The following PFKL variants were observed in gnomAD, a reference collection of about 807,000 sequenced individuals.
PFKL encodes phosphofructokinase, liver type.
PFKL carries 74 observed loss-of-function variants against 92.1 expected under a neutral mutation model. The ratio of observed to expected loss-of-function variants is 0.80; its 90% confidence interval spans 0.67 to 0.97. PFKL has a LOEUF of 0.97. PFKL is among the 50% of genes least tolerant of loss of function. PFKL has a pLI of 0.00. For synonymous variants in PFKL, 494 were observed against 456.4 expected, an observed-to-expected ratio of 1.08 and a Z score of -1.05; for missense variants, 1,028 against 1,116.6, an observed-to-expected ratio of 0.92 and a Z score of 1.13.
chr21:44,321,623 G>A, intron 12 of PFKL, 106 bp from the exon 13 acceptor site: 2 of 1,178,506 alleles, frequency 1.7e-6, no homozygotes, highest in South Asian at 1.8e-5. Flanking sequence ...GCTGCTGGCA[G>A]GGCCTGGCCC....
intron 1 of PFKL, 76 bp from the exon 2 acceptor site, chr21:44,306,605 G>T: frequency 7.5e-7 from 1 of 1,331,420 alleles, no homozygotes; most frequent in Non-Finnish European, 1.1e-6. Flanking sequence ...CCTACCCCCT[G>T]TCCTCTGAGA....
chr21:44,300,829 G>A (rs1051209165), intron 1 of PFKL, among the ~76,000 whole-genome samples: 2 of 152,226 alleles, frequency 1.3e-5, no homozygotes, highest in East Asian at 3.9e-4. Context: ...CTGGGTGGGG[G>A]TCCGGCCTGA....
chr21:44,325,494 A>C, intron 19 of PFKL: 4 of 568,760 alleles, frequency 7.0e-6, no homozygotes, highest in Non-Finnish European at 9.5e-6. Context: ...GGGCATTCAC[A>C]TGCTGAGCCG....
intron 1 of PFKL, chr21:44,305,299 C>G (rs189389591): frequency 1.5e-6 from 2 of 1,362,298 alleles, no homozygotes; most frequent in Non-Finnish European, 2.0e-6. Flanking sequence ...TGCTGAGCCC[C>G]ACGCCAAGCT....
At chr21:44,319,210 C>A in intron 10 of PFKL, 141 bp from the exon 11 acceptor site, 1 of 701,566 alleles carries the variant, frequency 1.4e-6, no homozygotes. Context: ...ACCGCTGTTC[C>A]TAGGGAGAGG....
intron 14 of PFKL, among the ~76,000 whole-genome samples, chr21:44,322,642 A>G (rs2276250): frequency 0.21 from 32,250 of 152,192 alleles, 3,640 homozygotes; most frequent in East Asian, 0.44. Context: ...TGCAAGGGCC[A>G]GAGGAAGCAT....
At chr21:44,309,313 TC>T (rs2041047934) in intron 2 of PFKL, among the ~76,000 whole-genome samples, 1 of 144,136 alleles carries the variant, frequency 6.9e-6, no homozygotes, top group Non-Finnish European at 1.5e-5. Flanking sequence ...GCTACTCTTA[TC>T]CCCCCAGGCA....
At chr21:44,322,907 C>G (rs2047394396) in intron 14 of PFKL, 55 bp from the exon 15 acceptor site, 2 of 1,320,770 alleles carry the variant, frequency 1.5e-6, no homozygotes, top group Non-Finnish European at 2.2e-6. Context: ...CAGATGCAAT[C>G]TGGACACGCG....
chr21:44,308,620 G>A (rs888508997), intron 2 of PFKL, among the ~76,000 whole-genome samples: 3 of 148,458 alleles, frequency 2.0e-5, no homozygotes, highest in African/African-American at 7.5e-5. Context: ...GGAGCGCAGT[G>A]GCACAATCTT....
chr21:44,311,738 C>T (rs1210667294), intron 3 of PFKL, among the ~76,000 whole-genome samples: 2 of 152,186 alleles, frequency 1.3e-5, no homozygotes, highest in African/African-American at 2.4e-5. Flanking sequence ...GAGGCTTGAG[C>T]CCTGGAGGCC....
chr21:44,301,679 G>A (rs960195027), intron 1 of PFKL, among the ~76,000 whole-genome samples: 25 of 152,290 alleles, frequency 1.6e-4, no homozygotes, highest in African/African-American at 6.0e-4. Flanking sequence ...CTGGAGGGCA[G>A]ACAGGTTGCT....
chr21:44,324,267 C>T (rs556903983), intron 16 of PFKL, among the ~76,000 whole-genome samples: 204 of 152,226 alleles, frequency 1.3e-3, no homozygotes, highest in African/African-American at 4.7e-3. Flanking sequence ...TGTGTGCAGG[C>T]TGCTGTCCAC....
At chr21:44,310,570 G>A (rs2047012821) in intron 2 of PFKL, among the ~76,000 whole-genome samples, 1 of 152,196 alleles carries the variant, frequency 6.6e-6, no homozygotes, top group South Asian at 2.1e-4. Flanking sequence ...CGCATGCCTG[G>A]GAGGACTCCA....
At position 44,312,219 on chromosome 21, in the gene PFKL, G is replaced by A. The variant is rs1395120523; in HGVS notation, c.352G>A (p.Gly118Arg). ...CATCACCAACCTGTGCGTCATCGGC[G>A]GGGATGGCAGCCTCACAGGTGCCAA... is the stretch of plus-strand genomic sequence containing the variant. ...HGITNLCVIGGDGSLTGANIF... is the reference protein window; with the variant it reads ...HGITNLCVIGRDGSLTGANIF... The change falls in exon 4 of 22, where the codon GGG becomes AGG. Residue 118 changes from glycine to arginine, a missense_variant. Gly to Arg is a moderately radical substitution (Grantham distance 125). Transcript: ENST00000349048. 6.2e-7 allele frequency: 1 copy of A among 1,600,396 alleles called. No homozygotes were observed. Among genetic ancestry groups the A allele is most frequent in the South Asian group, 1.1e-5 (1 of 89,218 alleles).
At position 44,326,238 on chromosome 21, in the gene PFKL, T is replaced by C; in HGVS notation, c.2169T>C (p.Thr723=). 1 of 1,611,996 alleles carries C rather than the reference T, an allele frequency of 6.2e-7. No homozygotes were observed. Among genetic ancestry groups the C allele is most frequent in the Non-Finnish European group, 8.5e-7 (1 of 1,179,042 alleles). ...KKKAVAFSPV[T]ELKKDTDFEH... ...AGGCGGTGGCCTTCAGCCCCGTCAC[T>C]GAGCTCAAGAAAGACACTGATTTCG... is the stretch of plus-strand genomic sequence containing the variant. The change falls in exon 21 of 22, where the codon ACT becomes ACC. Residue 723 remains threonine (T), a synonymous_variant. Coordinates refer to ENST00000349048, the MANE Select transcript of PFKL (RefSeq NM_002626.6).
chr21:44,320,079 T>G lies in PFKL; in HGVS notation c.1128-5T>G. The G allele has an allele frequency of 6.2e-7, 1 of 1,613,204 alleles. No homozygotes were observed. The highest frequency in any genetic ancestry group is 8.5e-7 in the Non-Finnish European group (1 of 1,179,640). On this transcript the variant is annotated splice_polypyrimidine_tract_variant and splice_region_variant and intron_variant, in intron 11 of 21. Coordinates refer to ENST00000349048, the MANE Select transcript of PFKL (RefSeq NM_002626.6). ...TGTGCATGGTGTGACCCGAATCCCTTCCAGGAGCTTCGAGAACAACTGGAA... is the reference window on the plus strand; with the variant it reads ...TGTGCATGGTGTGACCCGAATCCCTGCCAGGAGCTTCGAGAACAACTGGAA...
chr21:44,322,268 G>T (rs1482630230), intron 14 of PFKL, 65 bp downstream of exon 14: 1 of 1,480,840 alleles, frequency 6.8e-7, no homozygotes. Flanking sequence ...GGCCCTGCAG[G>T]TGGGGGCGGC....
intron 10 of PFKL, 86 bp from the exon 11 acceptor site, chr21:44,319,265 C>A: frequency 8.4e-7 from 1 of 1,190,852 alleles, no homozygotes; most frequent in Non-Finnish European, 1.3e-6. Context: ...CCAGATCTGC[C>A]CTCGTCAGGC....
chr21:44,324,039 G>C, intron 16 of PFKL, 121 bp downstream of exon 16: 1 of 1,161,620 alleles, frequency 8.6e-7, no homozygotes, highest in Non-Finnish European at 1.2e-6. Flanking sequence ...CCAGGGTTGG[G>C]GTTTGTGGGG....
Sources: allele counts gnomAD v4.1 joint callset (sites outside exome capture counted in the v4.1 genomes callset), GRCh38; gene constraint gnomAD v4.1.1; transcripts MANE v1.5; gene names NCBI Gene and HGNC (gene_info 2026-07-23, HGNC 2026-07-21).